Variants in PCDHA10 observed in about 807,000 individuals in gnomAD.
PCDHA10 encodes protocadherin alpha-10.
A neutral mutation model predicts 61.2 loss-of-function variants in PCDHA10; 45 were observed. The ratio of observed to expected loss-of-function variants is 0.74; its 90% CI spans 0.58 to 0.94. The LOEUF (loss-of-function observed/expected upper bound fraction) is 0.94, where lower values mean the gene tolerates loss of function less well. PCDHA10 is among the 40% of genes least tolerant of loss of function. The pLI is 0.00. For synonymous variants in PCDHA10, 602 were observed against 548.8 expected (o/e 1.10, Z -1.35); for missense variants, 1,278 against 1,236.2 (o/e 1.03, Z -0.51).
intron 3 of PCDHA10, among the ~76,000 whole-genome samples, chr5:140,989,611 A>G (rs2097350612): frequency 6.6e-6 from 1 of 152,232 alleles, no homozygotes. Flanking sequence ...ACTAAAAATG[A>G]AAGTCTGTCC....
chr5:140,990,871 G>GT, intron 3 of PCDHA10, among the ~76,000 whole-genome samples: 1 of 152,284 alleles, frequency 6.6e-6, no homozygotes, highest in East Asian at 1.9e-4. Context: ...TATTTTAAGT[G>GT]TATGTTCCAG....
chr5:140,875,349 C>T lies in PCDHA10; in HGVS notation c.2388+16913C>T, dbSNP rs113418307. The T allele has an allele frequency of 9.7e-4, 1,402 of 1,444,894 alleles. 9 individuals carry two copies. In the African/African-American group the frequency reaches 0.018, roughly 18 times the overall value. 89.5% of individuals were successfully genotyped at this position (1,444,894 alleles called of 1,614,324 possible). A position where few individuals can be genotyped will look rare whatever the true frequency, so the allele number is the denominator to read the frequency against. ...CGGAATAGGATCGACTCCATAATGA[C>T]TGTGATGCTGGAAAAAATTTACTAA... On this transcript the variant is annotated intron_variant, in intron 1 of 3. Coordinates refer to ENST00000307360, the MANE Select transcript of PCDHA10 (RefSeq NM_018901.4).
chr5:140,982,827 T>G (rs2097010165), intron 3 of PCDHA10, among the ~76,000 whole-genome samples: 1 of 140,992 alleles, frequency 7.1e-6, no homozygotes, highest in Non-Finnish European at 1.6e-5. Flanking sequence ...TTTTTGGGGT[T>G]TGTTTGTTTG....
chr5:140,864,851 A>G (rs1554159167), intron 1 of PCDHA10: 1 of 152,190 alleles, frequency 6.6e-6, no homozygotes, highest in Non-Finnish European at 1.5e-5. Context: ...CTTCCCATAC[A>G]TGATGAAGGG....
At chr5:140,968,849 G>A in intron 1 of PCDHA10, 1 of 1,614,206 alleles carries the variant, frequency 6.2e-7, no homozygotes, top group East Asian at 2.2e-5. Context: ...TCAGAGGCAT[G>A]TTAAGAGCCC....
rs782421802 is a variant in PCDHA10, at chr5:140,862,804, C to T, written c.2388+4368C>T. The T allele has an allele frequency of 7.0e-6, 4 of 574,030 alleles. No individual in the cohort carries two copies. The African/African-American group carries it at 7.9e-5, about 11-fold the overall frequency. The allele number at this position is 574,030 out of a possible 1,614,324, so 35.6% of individuals were successfully genotyped here. On this transcript the variant is annotated intron_variant, in intron 1 of 3. Coordinates refer to ENST00000307360, the MANE Select transcript of PCDHA10 (RefSeq NM_018901.4). ...ACTGGACTACGAGGAGCTGGAGCTG[C>T]TGCAGTTCTAGGTGAGAGCGCGCGA...
At chr5:140,928,666 T>C in intron 1 of PCDHA10, 8 of 1,614,212 alleles carry the variant, frequency 5.0e-6, no homozygotes, top group Non-Finnish European at 6.8e-6. Context: ...TGACAGTGGT[T>C]CTAATGCCTG....
chr5:140,896,037 C>T (rs1373567434), intron 1 of PCDHA10, among the ~76,000 whole-genome samples: 1 of 152,156 alleles, frequency 6.6e-6, no homozygotes, highest in Non-Finnish European at 1.5e-5. Context: ...TCTCGAACTC[C>T]TGACCTCAGG....
intron 3 of PCDHA10, among the ~76,000 whole-genome samples, chr5:140,997,130 C>T (rs1480730795): frequency 6.6e-6 from 1 of 151,984 alleles, no homozygotes; most frequent in Non-Finnish European, 1.5e-5. Flanking sequence ...TACACAATGC[C>T]CCCACACCCC....
Position 140,862,212 on chromosome 5 carries a change from G to T in PCDHA10, c.2388+3776G>T, listed in dbSNP as rs2047258044. ...TTCCCCAATGTTTGATCACTGCACA[G>T]ACTTGATAGAAGTCTTGGACATCAA... On this transcript the variant is annotated intron_variant, in intron 1 of 3. Transcript: ENST00000307360. The T allele has an allele frequency of 2.0e-5, 4 of 203,790 alleles. No homozygotes were observed. In the South Asian group the frequency reaches 4.0e-4, roughly 20 times the overall value. The allele number at this position is 203,790 out of a possible 1,614,324, so 12.6% of individuals were successfully genotyped here.
chr5:140,911,052 G>T (rs1172408042), intron 1 of PCDHA10, among the ~76,000 whole-genome samples: 1 of 152,044 alleles, frequency 6.6e-6, no homozygotes, highest in Non-Finnish European at 1.5e-5. Context: ...AGGGGTGGTG[G>T]GGGGTGGGTC....
At chr5:140,884,621 G>C (rs116377419) in intron 1 of PCDHA10, 2 of 1,613,996 alleles carry the variant, frequency 1.2e-6, no homozygotes, top group South Asian at 2.2e-5. Context: ...TTCTGCAGAG[G>C]GAACAGGCCA....
At chr5:140,859,201 G>A (rs1356259348) in intron 1 of PCDHA10, 1 of 149,574 alleles carries the variant, frequency 6.7e-6, no homozygotes. Flanking sequence ...ATGATATTCA[G>A]GTATTAGCTC....
chr5:140,979,999 C>G (rs1563478157), intron 2 of PCDHA10, among the ~76,000 whole-genome samples: 1 of 152,172 alleles, frequency 6.6e-6, no homozygotes, highest in African/African-American at 2.4e-5. Context: ...TTAACATACT[C>G]TCAAGCATTA....
intron 1 of PCDHA10, chr5:140,968,752 C>T: frequency 6.2e-7 from 1 of 1,614,094 alleles, no homozygotes; most frequent in Non-Finnish European, 8.5e-7. Context: ...CCGTGGTGGT[C>T]CGAGATAATG....
chr5:140,943,998 G>C (rs2093593066), intron 1 of PCDHA10, among the ~76,000 whole-genome samples: 1 of 152,178 alleles, frequency 6.6e-6, no homozygotes, highest in Non-Finnish European at 1.5e-5. Context: ...CAGAACTACT[G>C]AGTACCCCCC....
At chr5:140,928,137 C>T (rs537220203) in intron 1 of PCDHA10, 14 of 1,614,066 alleles carry the variant, frequency 8.7e-6, no homozygotes, top group Admixed American at 1.7e-5. Flanking sequence ...AAGTCCTGAT[C>T]ACGGCCTCAG....
chr5:140,867,553 A>G (rs782238802), intron 1 of PCDHA10: 1 of 152,158 alleles, frequency 6.6e-6, no homozygotes, highest in Non-Finnish European at 1.5e-5. Context: ...GCATACACAT[A>G]TGATAACTTT....
At position 140,858,419 on chromosome 5, in the gene PCDHA10, G is replaced by C. The variant is rs2045401110; in HGVS notation, c.2371G>C (p.Gly791Arg). Residue 791 changes from glycine to arginine, a missense_variant, in exon 1 of 4, where the codon GGG becomes CGG. Physicochemically the swap from Gly to Arg is moderately radical, Grantham distance 125. Transcript: ENST00000307360. ...GGACGGGGAAGATCAGTCTATTGGA[G>C]GGGACCACTCTAGGAAGGTGGGTTA... ...DVDGEDQSIG[G>R]DHSRKPRQPN... 1 of 1,559,254 alleles carries C rather than the reference G, an allele frequency of 6.4e-7. No homozygotes were observed.
Sources: gnomAD v4.1 joint callset for allele counts (sites outside exome capture counted in the v4.1 genomes callset) on GRCh38, gnomAD v4.1.1 for gene constraint, MANE v1.5 for transcripts, NCBI Gene and HGNC (gene_info 2026-07-23, HGNC 2026-07-21) for gene names.